Variants in CCDC171 observed in about 807,000 individuals in gnomAD.
CCDC171 encodes coiled-coil domain-containing protein 171.
CCDC171 carries 177 observed loss-of-function variants against 168.2 expected under a neutral mutation model. The observed-to-expected ratio is 1.05, with a 90% CI of 0.93 to 1.19. The LOEUF is 1.19. Ranked by LOEUF, CCDC171 falls within the 50% of genes most tolerant of loss-of-function variation. CCDC171 has a pLI of 0.00. For missense variants in CCDC171, 1,991 were observed against 1,539.0 expected (o/e 1.29, Z -4.91); for synonymous variants, 687 against 540.8 (o/e 1.27, Z -3.75).
chr9:15,956,577 A>G (rs1260510815), intron 25 of CCDC171, among the ~76,000 whole-genome samples: 1 of 152,208 alleles, frequency 6.6e-6, no homozygotes. Flanking sequence ...CAGAGTGCAA[A>G]TAAATGAAAA....
chr9:15,594,253 C>T (rs1196526494), intron 6 of CCDC171, 81 bp downstream of exon 6: 8 of 786,926 alleles, frequency 1.0e-5, no homozygotes, highest in Non-Finnish European at 1.4e-5. Context: ...GGATAACTGA[C>T]TCGCTCAAAG....
At chr9:15,775,959 C>CAT (rs994326925) in intron 18 of CCDC171, among the ~76,000 whole-genome samples, 26 of 152,040 alleles carry the variant, frequency 1.7e-4, no homozygotes, top group African/African-American at 4.3e-4. Flanking sequence ...ACAGGGAATA[C>CAT]ATATATATAT....
intron 25 of CCDC171, among the ~76,000 whole-genome samples, chr9:15,928,269 T>C (rs1305438047): frequency 6.6e-6 from 1 of 151,720 alleles, no homozygotes; most frequent in African/African-American, 2.4e-5. Flanking sequence ...CTGAGGGACT[T>C]CACTTGGGCT....
At chr9:15,793,471 T>C (rs921855021) in intron 21 of CCDC171, among the ~76,000 whole-genome samples, 4 of 150,988 alleles carry the variant, frequency 2.6e-5, no homozygotes, top group Non-Finnish European at 1.5e-5. Context: ...CAAGCGGACC[T>C]AGTAGACCTC....
intron 2 of CCDC171, 65 bp from the exon 3 acceptor site, chr9:15,571,559 T>C: frequency 7.7e-7 from 1 of 1,292,052 alleles, no homozygotes; most frequent in East Asian, 2.6e-5. Flanking sequence ...ATCAAAAATA[T>C]CAGAAATGCT....
At chr9:15,904,634 T>C (rs551288723) in intron 24 of CCDC171, among the ~76,000 whole-genome samples, 1 of 152,306 alleles carries the variant, frequency 6.6e-6, no homozygotes, top group African/African-American at 2.4e-5. Flanking sequence ...AATAACCAGC[T>C]AACATCATAA....
chr9:15,584,942 A>T (rs777668689), intron 4 of CCDC171, among the ~76,000 whole-genome samples: 6 of 152,202 alleles, frequency 3.9e-5, no homozygotes, highest in Non-Finnish European at 5.9e-5. Flanking sequence ...AACAATTTCA[A>T]CAGACATTCT....
chr9:15,610,616 G>A (rs2043610995), intron 6 of CCDC171, among the ~76,000 whole-genome samples: 1 of 150,868 alleles, frequency 6.6e-6, no homozygotes, highest in African/African-American at 2.4e-5. Flanking sequence ...TGACAAGAGT[G>A]AAACTCTGTC....
At chr9:15,866,267 T>A (rs2061780989) in intron 23 of CCDC171, among the ~76,000 whole-genome samples, 1 of 151,770 alleles carries the variant, frequency 6.6e-6, no homozygotes, top group African/African-American at 2.4e-5. Context: ...GAGAGCACAT[T>A]TTGCAAACTG....
chr9:15,610,539 A>AATCAC (rs1331571583), intron 6 of CCDC171, among the ~76,000 whole-genome samples: 2 of 147,352 alleles, frequency 1.4e-5, no homozygotes, highest in Non-Finnish European at 3.0e-5. Flanking sequence ...GAGGCAGGAG[A>AATCAC]ATCACTTGAA....
chr9:15,587,636 C>T, intron 4 of CCDC171: 1 of 456,698 alleles, frequency 2.2e-6, no homozygotes. Context: ...CCATCCAGAT[C>T]CTTCTCCAGC....
intron 21 of CCDC171, among the ~76,000 whole-genome samples, chr9:15,830,001 A>G (rs1007189362): frequency 6.6e-6 from 1 of 152,138 alleles, no homozygotes; most frequent in Non-Finnish European, 1.5e-5. Flanking sequence ...AATAAATGAG[A>G]TTACTAATGA....
chr9:15,601,133 C>A (rs536916121), intron 6 of CCDC171, among the ~76,000 whole-genome samples: 23 of 152,284 alleles, frequency 1.5e-4, no homozygotes, highest in Admixed American at 5.9e-4. Context: ...GTGCACTGCA[C>A]CCACTGTCCT....
At chr9:15,959,465 G>A (rs531756777) in intron 25 of CCDC171, among the ~76,000 whole-genome samples, 6 of 152,256 alleles carry the variant, frequency 3.9e-5, no homozygotes, top group African/African-American at 9.6e-5. Flanking sequence ...AGGAAACAGC[G>A]AAGTCTGAAG....
chr9:16,024,357 C>T (rs978502672), intron 6 of CCDC171, among the ~76,000 whole-genome samples: 5 of 152,150 alleles, frequency 3.3e-5, no homozygotes, highest in African/African-American at 1.2e-4. Flanking sequence ...TTAGAGCATC[C>T]ACTCTAAAGG....
intron 1 of CCDC171, among the ~76,000 whole-genome samples, chr9:16,050,448 A>G (rs535757146): frequency 1.2e-5 from 1 of 82,038 alleles, no homozygotes; most frequent in Non-Finnish European, 3.5e-5. Flanking sequence ...CTTAGAGGTA[A>G]AAATGCAGAT....
At chr9:15,596,312 A>G (rs1398839647) in intron 6 of CCDC171, among the ~76,000 whole-genome samples, 1 of 151,836 alleles carries the variant, frequency 6.6e-6, no homozygotes, top group Non-Finnish European at 1.5e-5. Flanking sequence ...ATCTTGAATT[A>G]ATTTTTGTAT....
intron 7 of CCDC171, among the ~76,000 whole-genome samples, chr9:15,647,209 C>G (rs989918879): frequency 1.3e-5 from 2 of 152,054 alleles, no homozygotes; most frequent in African/African-American, 4.8e-5. Context: ...CCAACGAGAA[C>G]AAAGACACAA....
chr9:15,981,320 C>T (rs534892722), intron 3 of CCDC171, among the ~76,000 whole-genome samples: 2 of 152,158 alleles, frequency 1.3e-5, no homozygotes, highest in African/African-American at 4.8e-5. Context: ...CTTTCTCCAC[C>T]ACATAAGGAC....
Sources: gnomAD v4.1 joint callset for allele counts (sites outside exome capture counted in the v4.1 genomes callset) on GRCh38, gnomAD v4.1.1 for gene constraint, MANE v1.5 for transcripts, NCBI Gene and HGNC (gene_info 2026-07-23, HGNC 2026-07-21) for gene names.